AGMO: variants seen among roughly 807,000 people sequenced by gnomAD.
The protein encoded by AGMO is alkylglycerol monooxygenase.
In AGMO, 75 loss-of-function variants were observed where a neutral mutation model predicts 60.2. The ratio of observed to expected loss-of-function variants is 1.25; its 90% CI spans 1.03 to 1.51. The LOEUF is 1.51. Ranked by LOEUF, AGMO falls within the 40% of genes most tolerant of loss-of-function variation. The pLI is 0.00. For missense variants in AGMO, 763 were observed against 525.5 expected, an observed-to-expected ratio of 1.45 and a Z score of -4.42; for synonymous variants, 261 against 177.1, an observed-to-expected ratio of 1.47 and a Z score of -3.76.
At position 15,431,208 on chromosome 7, in the gene AGMO, T is replaced by C. The variant is rs1781228658; in HGVS notation, c.410-100A>G. 3 of 777,984 alleles carry C rather than the reference T, an allele frequency of 3.9e-6. No homozygotes were observed. In the South Asian group the frequency reaches 4.8e-5, roughly 13 times the overall value. The allele number at this position is 777,984 out of a possible 1,614,324, so 48.2% of individuals were successfully genotyped here. ...CTCTGTTGAGTGAGGAAGAAAAATC[T>C]GGAACATCTCTGTAAAAGCTGGCCA... On this transcript the variant is annotated intron_variant, in intron 3 of 12. Transcript: ENST00000342526.
At chr7:15,254,424 C>G (rs537113656) in intron 12 of AGMO, among the ~76,000 whole-genome samples, 1 of 152,174 alleles carries the variant, frequency 6.6e-6, no homozygotes, top group South Asian at 2.1e-4. Context: ...TTGATAATAG[C>G]CCTTCTAACT....
intron 12 of AGMO, among the ~76,000 whole-genome samples, chr7:15,337,989 G>C (rs1004833501): frequency 1.3e-5 from 2 of 152,150 alleles, no homozygotes; most frequent in Admixed American, 1.3e-4. Context: ...AGTGACTTTG[G>C]ACAGCTCCAG....
At chr7:15,501,561 A>G (rs935170941) in intron 3 of AGMO, among the ~76,000 whole-genome samples, 7 of 152,024 alleles carry the variant, frequency 4.6e-5, no homozygotes, top group Non-Finnish European at 1.0e-4. Context: ...AATATACAAG[A>G]ACTCCATTAT....
chr7:15,237,347 A>C (rs907897949), intron 12 of AGMO, among the ~76,000 whole-genome samples: 1 of 152,170 alleles, frequency 6.6e-6, no homozygotes, highest in Non-Finnish European at 1.5e-5. Context: ...GAAGGTAAGA[A>C]GCTCATGCAG....
the AGMO span, among the ~76,000 whole-genome samples, chr7:15,141,826 TG>T: frequency 2.2e-3 from 332 of 152,360 alleles, no homozygotes; most frequent in African/African-American, 7.7e-3. Context: ...CTTATGTTTT[TG>T]TCAAATATTA....
chr7:15,529,577 G>T (rs74219998), intron 3 of AGMO, among the ~76,000 whole-genome samples: 1 of 35,256 alleles, frequency 2.8e-5, no homozygotes, highest in South Asian at 7.6e-4. Flanking sequence ...TATATATAGA[G>T]TATATATAGT....
chr7:15,401,947 T>G (rs1291281280), intron 5 of AGMO, among the ~76,000 whole-genome samples: 1 of 152,082 alleles, frequency 6.6e-6, no homozygotes, highest in African/African-American at 2.4e-5. Flanking sequence ...TCAAGACTTT[T>G]CGTTACAGCG....
At chr7:15,239,537 A>T (rs1195165947) in intron 12 of AGMO, among the ~76,000 whole-genome samples, 33 of 152,128 alleles carry the variant, frequency 2.2e-4, no homozygotes. Context: ...GTATATGGGT[A>T]TGTGGTTCTC....
the AGMO span, among the ~76,000 whole-genome samples, chr7:15,150,096 G>C: frequency 2.0e-5 from 3 of 151,934 alleles, no homozygotes; most frequent in Non-Finnish European, 4.4e-5. Flanking sequence ...TTGGCCCTCA[G>C]CTTGGACATT....
In AGMO at chr7:15,493,359, A is replaced by ACC. The variant is rs1783122885; in HGVS notation, c.409+51412_409+51413insGG. On this transcript the variant is annotated intron_variant, in intron 3 of 12. Transcript: ENST00000342526. ...AACACACACACACACACACACACAC[A>ACC]CACTTCTTTTTTTTTTTTTTTTTTT... 3.5e-5 allele frequency among the ~76,000 whole-genome samples: 3 copies of ACC among 84,958 alleles called. 1 individual carries two copies. The highest frequency in any genetic ancestry group is 1.1e-3 in the East Asian group (2 of 1,768). 55.7% of individuals were successfully genotyped at this position (84,958 alleles called of 152,430 possible).
At chr7:15,399,201 G>A (rs1023893334) in intron 5 of AGMO, among the ~76,000 whole-genome samples, 7 of 152,204 alleles carry the variant, frequency 4.6e-5, no homozygotes, top group African/African-American at 1.4e-4. Flanking sequence ...TGGATGCCTA[G>A]AAGGGCCATG....
intron 10 of AGMO, among the ~76,000 whole-genome samples, chr7:15,376,278 C>A (rs537023285): frequency 1.3e-5 from 2 of 151,952 alleles, no homozygotes; most frequent in East Asian, 1.9e-4. Context: ...AAACAGTATA[C>A]CCTGGACATT....
At chr7:15,267,043 T>C (rs908237052) in intron 12 of AGMO, among the ~76,000 whole-genome samples, 6 of 152,008 alleles carry the variant, frequency 3.9e-5, no homozygotes, top group African/African-American at 1.4e-4. Flanking sequence ...GAAAAACTAC[T>C]TTATTTGACC....
At chr7:15,198,194 C>T (rs1413101843), downstream of AGMO, among the ~76,000 whole-genome samples, 1 of 106,862 alleles carries the variant, frequency 9.4e-6, no homozygotes, top group African/African-American at 3.2e-5. Flanking sequence ...TTAGGGCTTT[C>T]CCGAGAGAGA....
At chr7:15,325,624 A>C (rs993390246) in intron 12 of AGMO, among the ~76,000 whole-genome samples, 9 of 152,190 alleles carry the variant, frequency 5.9e-5, no homozygotes, top group African/African-American at 2.4e-5. Context: ...AAAATGGTTG[A>C]AACAGAAAAA....
chr7:15,440,533 A>G (rs955393842), intron 3 of AGMO, among the ~76,000 whole-genome samples: 1 of 152,170 alleles, frequency 6.6e-6, no homozygotes, highest in African/African-American at 2.4e-5. Context: ...CTAAGGTAGA[A>G]AGAACAGGTA....
intron 10 of AGMO, among the ~76,000 whole-genome samples, chr7:15,383,760 A>T (rs1354236637): frequency 6.6e-6 from 1 of 152,046 alleles, no homozygotes; most frequent in Non-Finnish European, 1.5e-5. Flanking sequence ...CTCTGTATTC[A>T]CTGAATGTTA....
intron 12 of AGMO, among the ~76,000 whole-genome samples, chr7:15,226,327 C>A (rs942919641): frequency 6.6e-6 from 1 of 152,076 alleles, no homozygotes; most frequent in Admixed American, 6.6e-5. Flanking sequence ...TTCTGAATTA[C>A]AAGGACTCTG....
intron 12 of AGMO, among the ~76,000 whole-genome samples, chr7:15,207,673 G>A (rs910198037): frequency 4.6e-5 from 7 of 152,122 alleles, no homozygotes; most frequent in Non-Finnish European, 8.8e-5. Context: ...GGTGGCTCAC[G>A]CCTGTAATCC....
Sources: gnomAD v4.1 joint callset for allele counts (sites outside exome capture counted in the v4.1 genomes callset) on GRCh38, gnomAD v4.1.1 for gene constraint, MANE v1.5 for transcripts, NCBI Gene and HGNC (gene_info 2026-07-23, HGNC 2026-07-21) for gene names.